Variants in DNAH5 observed in about 807,000 individuals in gnomAD.
DNAH5 encodes the protein axonemal beta dynein heavy chain 5.
DNAH5 carries 372 observed loss-of-function variants against 518.2 expected under a neutral mutation model. The observed-to-expected ratio is 0.72, with a 90% CI of 0.66 to 0.78. The LOEUF (loss-of-function observed/expected upper bound fraction) is 0.78, where lower values mean the gene tolerates loss of function less well. DNAH5 is among the 30% of genes least tolerant of loss of function. DNAH5 has a pLI of 0.00. For missense variants in DNAH5, 5,523 were observed against 5,687.0 expected (o/e 0.97, Z 0.93); for synonymous variants, 2,039 against 2,025.9 (o/e 1.01, Z -0.17).
chr5:13,775,830 C>T (rs1284670183), intron 55 of DNAH5, among the ~76,000 whole-genome samples: 1 of 152,118 alleles, frequency 6.6e-6, no homozygotes, highest in African/African-American at 2.4e-5. Context: ...GAAAATAAGG[C>T]TCTTCTGCAT....
chr5:13,758,294 G>A (rs1475420757), intron 61 of DNAH5, among the ~76,000 whole-genome samples: 4 of 152,092 alleles, frequency 2.6e-5, no homozygotes, highest in Non-Finnish European at 5.9e-5. Flanking sequence ...CTTGAGCTCA[G>A]GAGTTCGAGA....
intron 35 of DNAH5, 51 bp downstream of exon 35, chr5:13,839,305 G>A (rs1446722955): frequency 3.2e-6 from 5 of 1,569,336 alleles, no homozygotes; most frequent in African/African-American, 1.4e-5. Context: ...AATCCCCTGA[G>A]CAACTCGAGA....
intron 30 of DNAH5, among the ~76,000 whole-genome samples, chr5:13,855,787 A>C (rs999240426): frequency 2.3e-4 from 35 of 152,176 alleles, no homozygotes; most frequent in Non-Finnish European, 4.6e-4. Flanking sequence ...GCAAATCATA[A>C]AAAACAGTCT....
At chr5:13,923,806 G>T (rs1307566176) in intron 3 of DNAH5, among the ~76,000 whole-genome samples, 1 of 152,180 alleles carries the variant, frequency 6.6e-6, no homozygotes, top group East Asian at 1.9e-4. Flanking sequence ...CACTTTGAGA[G>T]GCCGAGGCGG....
Position 13,885,019 on chromosome 5 carries a change from T to A in DNAH5, c.2953A>T (p.Ile985Phe), listed in dbSNP as rs377668816. The part of the protein sequence containing the change: ...RNTLEAIRKR[I>F]HSSHTINFRD... ...AAGTTAATTGTGTGAGAGGAATGAA[T>A]ACGTTTGCGAATGGCCTCTAGTGTA... Residue 985 changes from isoleucine to phenylalanine, a missense_variant, in exon 19 of 79, where the codon ATT (isoleucine) becomes TTT (phenylalanine). By Grantham distance (21) the Ile-to-Phe change is conservative. Around this residue, in one of 3 missense-constraint regions of DNAH5, gnomAD observed 5,121 missense variants for 5,223.3 expected, o/e 0.98. Coordinates refer to ENST00000265104, the MANE Select transcript of DNAH5 (RefSeq NM_001369.3). The A allele has an allele frequency of 6.2e-7, 1 of 1,614,096 alleles. No individual in the cohort carries two copies. The highest frequency in any genetic ancestry group is 1.3e-5 in the African/African-American group (1 of 74,938).
rs1782049304 is a variant in DNAH5 at position 13,973,904 on chromosome 5, CCTGT to C, written c.12+37740_12+37743del. ...TGCAAGGACATCTGTCCATCAACTG[CCTGT>C]CTGACTTCCGACTGACGTCACTCTT... On this transcript the variant is annotated intron_variant, in intron 1 of 78. Coordinates refer to the DNAH5 transcript ENST00000681290. 2.0e-5 allele frequency among the ~76,000 whole-genome samples: 3 copies of C among 152,250 alleles called. No individual in the cohort carries two copies. In the South Asian group the frequency reaches 6.2e-4, roughly 32 times the overall value.
chr5:13,864,828 C>T (rs571987957), intron 27 of DNAH5, among the ~76,000 whole-genome samples, 191 bp from the exon 28 acceptor site: 1 of 152,190 alleles, frequency 6.6e-6, no homozygotes, highest in East Asian at 1.9e-4. Context: ...ATTGTCCTCT[C>T]CATTAGAAAA....
At chr5:13,714,335 T>C (rs1744000010) in intron 75 of DNAH5, 70 bp downstream of exon 75, 1 of 1,487,030 alleles carries the variant, frequency 6.7e-7, no homozygotes, top group African/African-American at 1.4e-5. Context: ...CCCTCCTTTC[T>C]TCTTCCTCAC....
intron 1 of DNAH5, among the ~76,000 whole-genome samples, chr5:13,997,745 A>G (rs1350929465): frequency 2.0e-5 from 3 of 151,884 alleles, no homozygotes; most frequent in Admixed American, 2.0e-4. Flanking sequence ...GCAGCACCCC[A>G]CTTCTGGTAC....
chr5:13,807,821 C>T (rs1759876581), intron 46 of DNAH5, 96 bp from the exon 47 acceptor site: 1 of 1,021,256 alleles, frequency 9.8e-7, no homozygotes, highest in Admixed American at 2.2e-5. Context: ...ATCTTCAACC[C>T]CTAGTACCTT....
At chr5:13,951,902 G>C (rs1180610642) in intron 1 of DNAH5, among the ~76,000 whole-genome samples, 1 of 152,192 alleles carries the variant, frequency 6.6e-6, no homozygotes, top group East Asian at 1.9e-4. Context: ...CCTGCATTTA[G>C]GTCCTCTTTG....
At chr5:13,702,671 A>T (rs756545618) in intron 76 of DNAH5, among the ~76,000 whole-genome samples, 9 of 152,004 alleles carry the variant, frequency 5.9e-5, no homozygotes, top group Non-Finnish European at 1.0e-4. Flanking sequence ...ATTAAAGATG[A>T]GAAGGAAATA....
chr5:13,990,951 C>A (rs968598539), intron 1 of DNAH5, among the ~76,000 whole-genome samples: 17 of 152,100 alleles, frequency 1.1e-4, no homozygotes, highest in African/African-American at 4.1e-4. Flanking sequence ...CTGCACAGAG[C>A]CAGAAACATG....
At chr5:13,737,934 A>G (rs2126625233) in intron 65 of DNAH5, among the ~76,000 whole-genome samples, 1 of 152,198 alleles carries the variant, frequency 6.6e-6, no homozygotes, top group East Asian at 1.9e-4. Context: ...ATGGTGGCTC[A>G]TGCCTGTAGT....
intron 70 of DNAH5, 73 bp downstream of exon 70, chr5:13,727,434 A>G: frequency 7.2e-7 from 1 of 1,383,590 alleles, no homozygotes; most frequent in Non-Finnish European, 9.8e-7. Context: ...CATTTAAAAT[A>G]TTTTTTTTAA....
Position 13,883,018 on chromosome 5 carries a change from G to A in DNAH5, c.3060C>T (p.Asn1020=), listed in dbSNP as rs777905258. 38 of 1,614,072 alleles carry A rather than the reference G, an allele frequency of 2.4e-5. No homozygotes were observed. The highest frequency in any genetic ancestry group is 3.0e-5 in the Non-Finnish European group (35 of 1,180,036). ...CTTCCAGGGCAGGGGCCATGACGATGTTGGGAATGGCCAGAGTGACGCTTG... is the reference window on the plus strand; with the variant it reads ...CTTCCAGGGCAGGGGCCATGACGATATTGGGAATGGCCAGAGTGACGCTTG... ...FRASVTLAIP[N]IVMAPALEDV... is the part of the protein sequence containing the mutation. The change falls in exon 20 of 79, where the codon AAC becomes AAT. Residue 1020 remains asparagine (N), a synonymous_variant. Transcript: ENST00000265104.
chr5:13,941,823 A>C (rs1453583554), intron 1 of DNAH5, among the ~76,000 whole-genome samples: 1 of 152,262 alleles, frequency 6.6e-6, no homozygotes, highest in African/African-American at 2.4e-5. Context: ...ATTCCGCTGC[A>C]GTGGGGAGAA....
chr5:13,940,718 A>C (rs1389504893), intron 1 of DNAH5, among the ~76,000 whole-genome samples: 2 of 152,108 alleles, frequency 1.3e-5, no homozygotes, highest in Non-Finnish European at 2.9e-5. Context: ...GATTAGTATG[A>C]CCGAGTTCTC....
At chr5:13,903,722 C>A (rs574753404) in intron 12 of DNAH5, among the ~76,000 whole-genome samples, 5 of 151,820 alleles carry the variant, frequency 3.3e-5, no homozygotes, top group African/African-American at 1.2e-4. Context: ...TAAGGGCTGA[C>A]GGAAAATAAC....
Sources: gnomAD v4.1 joint callset for allele counts (sites outside exome capture counted in the v4.1 genomes callset) on GRCh38, gnomAD v4.1.1 for gene constraint, gnomAD v4.1.1 regional missense constraint, MANE v1.5 for transcripts, NCBI Gene and HGNC (gene_info 2026-07-23, HGNC 2026-07-21) for gene names.